SNAP23: variants seen among roughly 807,000 people sequenced by gnomAD.
SNAP23 encodes the protein synaptosome associated protein 23, also known as synaptosomal-associated protein 23.
In SNAP23, 11 loss-of-function variants were observed where a neutral mutation model predicts 29.0. That is an observed-to-expected ratio of 0.38 (90% CI 0.24 to 0.63). The LOEUF (loss-of-function observed/expected upper bound fraction) is 0.63. SNAP23 is among the 20% of genes least tolerant of loss of function. SNAP23 has a pLI of 0.58. For missense variants in SNAP23, 220 were observed against 253.9 expected, an observed-to-expected ratio of 0.87 and a Z score of 0.91; for synonymous variants, 60 against 82.9, an observed-to-expected ratio of 0.72 and a Z score of 1.50.
intron 1 of SNAP23, among the ~76,000 whole-genome samples, chr15:42,506,693 T>C (rs1370067760): frequency 1.3e-5 from 2 of 152,240 alleles, no homozygotes; most frequent in African/African-American, 2.4e-5. Context: ...CATGGTCTTA[T>C]AGAAAGCATC....
chr15:42,531,427 A>G lies in SNAP23; in HGVS notation c.585A>G (p.Arg195=). 6.3e-7 allele frequency: 1 copy of G among 1,585,636 alleles called. No individual in the cohort carries two copies. Residue 195 remains arginine, a synonymous_variant, in exon 8 of 8, where the codon AGA becomes AGG. Coordinates refer to ENST00000249647, the MANE Select transcript of SNAP23 (RefSeq NM_003825.4). ...TTGTTTTTCAGGCTGACACCAACAGAGATCGTATTGATATTGCCAATGCCA... is the reference window on the plus strand; with the variant it reads ...TTGTTTTTCAGGCTGACACCAACAGGGATCGTATTGATATTGCCAATGCCA... ...KRITDKADTN[R]DRIDIANARA... is the part of the protein sequence containing the mutation.
rs777485604 is a variant in SNAP23 at position 42,531,456 on chromosome 15, C to T, written c.614C>T (p.Ala205Val). Residue 205 changes from alanine to valine, a missense_variant, in exon 8 of 8, where the codon GCA becomes GTA. By Grantham distance (64) the Ala-to-Val change is moderately conservative. Coordinates refer to ENST00000249647, the MANE Select transcript of SNAP23 (RefSeq NM_003825.4). ...RDRIDIANAR[A>V]KKLIDS ...CGTATTGATATTGCCAATGCCAGAG[C>T]AAAGAAACTCATTGACAGCTAAAGC... 1 of 1,599,134 alleles carries T rather than the reference C, an allele frequency of 6.3e-7. No homozygotes were observed. Among genetic ancestry groups the T allele is most frequent in the South Asian group, 1.1e-5 (1 of 87,648 alleles).
At chr15:42,493,203 G>T (rs1012832919), upstream of SNAP23, among the ~76,000 whole-genome samples, 3 of 152,098 alleles carry the variant, frequency 2.0e-5, no homozygotes, top group African/African-American at 7.2e-5. Context: ...TTAGCCGGCA[G>T]TGGTGGTGCA....
chr15:42,514,356 G>A (rs993687559), intron 4 of SNAP23, among the ~76,000 whole-genome samples: 1 of 151,760 alleles, frequency 6.6e-6, no homozygotes, highest in Non-Finnish European at 1.5e-5. Context: ...TGGCCAGGTT[G>A]ATGTCGAACT....
rs777786141 is a variant in SNAP23, at chr15:42,513,016, C to T, written c.99+20C>T. 1.1e-5 allele frequency: 18 copies of T among 1,575,014 alleles called. No homozygotes were observed. The highest frequency in any genetic ancestry group is 1.5e-5 in the Non-Finnish European group (17 of 1,144,624). On this transcript the variant is annotated intron_variant, in intron 3 of 7. Coordinates refer to ENST00000249647, the MANE Select transcript of SNAP23 (RefSeq NM_003825.4). The stretch of plus-strand genomic sequence containing the variant: ...ATTGAGGTAAGAAAATGTTAGTCAT[C>T]AACTTAAGTATAGAAATTTATAGGA...
chr15:42,524,145 T>G (rs1410668679), intron 5 of SNAP23, among the ~76,000 whole-genome samples: 1 of 152,150 alleles, frequency 6.6e-6, no homozygotes, highest in Non-Finnish European at 1.5e-5. Flanking sequence ...TCCTGACATG[T>G]CCCTTTGCTT....
intron 5 of SNAP23, among the ~76,000 whole-genome samples, chr15:42,527,135 G>A (rs1317722110): frequency 6.6e-6 from 1 of 152,092 alleles, no homozygotes; most frequent in Non-Finnish European, 1.5e-5. Context: ...ACTGTGCCCG[G>A]CCTTGATCGT....
chr15:42,518,091 A>T (rs561248357), intron 5 of SNAP23, among the ~76,000 whole-genome samples: 8 of 152,160 alleles, frequency 5.3e-5, no homozygotes, highest in Non-Finnish European at 1.0e-4. Flanking sequence ...CAGTTCCCTT[A>T]AGAGAAGAAA....
chr15:42,518,038 G>A (rs2057411696), intron 5 of SNAP23, among the ~76,000 whole-genome samples: 1 of 150,458 alleles, frequency 6.6e-6, no homozygotes, highest in Non-Finnish European at 1.5e-5. Context: ...TTTTTTTTCT[G>A]GCACTTCTTG....
chr15:42,498,823 G>A (rs1385414770), intron 1 of SNAP23, among the ~76,000 whole-genome samples: 1 of 152,142 alleles, frequency 6.6e-6, no homozygotes. Context: ...CAGGTCATGT[G>A]AAAGTAATTT....
Position 42,498,884 on chromosome 15 carries a change from T to C in SNAP23, c.-15+3171T>C, listed in dbSNP as rs566230848. The stretch of plus-strand genomic sequence containing the variant: ...GCTTGAATATTTGTCTCAGGCTAGG[T>C]TTTACTTTAGGTGCTTGTAGTATGT... On this transcript the variant is annotated intron_variant, in intron 1 of 7. Transcript: ENST00000249647. 2.0e-5 allele frequency among the ~76,000 whole-genome samples: 3 copies of C among 152,306 alleles called. No individual in the cohort carries two copies. In the East Asian group the frequency reaches 5.8e-4, roughly 29 times the overall value.
At chr15:42,521,672 T>C in intron 5 of SNAP23, 1 of 1,316,352 alleles carries the variant, frequency 7.6e-7, no homozygotes, top group Non-Finnish European at 1.1e-6. Flanking sequence ...GATGCAGTCT[T>C]GTGGCGCAGT....
intron 1 of SNAP23, among the ~76,000 whole-genome samples, chr15:42,506,073 G>A (rs1340158052): frequency 6.6e-6 from 1 of 151,210 alleles, no homozygotes; most frequent in Admixed American, 6.6e-5. Flanking sequence ...AGCCTCCCGA[G>A]TAGCTGGGAC....
chr15:42,500,714 G>C (rs1335009926), intron 1 of SNAP23, among the ~76,000 whole-genome samples: 1 of 152,096 alleles, frequency 6.6e-6, no homozygotes. Flanking sequence ...TCTTTGCTGT[G>C]ATAGGTAGAA....
chr15:42,523,813 TG>T (rs963234260), intron 5 of SNAP23, among the ~76,000 whole-genome samples: 5 of 152,190 alleles, frequency 3.3e-5, no homozygotes, highest in Admixed American at 3.3e-4. Flanking sequence ...GTTTTTTGTT[TG>T]TTTGTTTGTT....
chr15:42,501,036 C>T (rs554059521), intron 1 of SNAP23, among the ~76,000 whole-genome samples: 87 of 152,186 alleles, frequency 5.7e-4, no homozygotes, highest in African/African-American at 2.0e-3. Flanking sequence ...CTTTCGATGG[C>T]CTTTCAATAC....
chr15:42,513,064 GA>G (rs1198883577), intron 3 of SNAP23, 68 bp downstream of exon 3: 1 of 1,127,842 alleles, frequency 8.9e-7, no homozygotes, highest in Non-Finnish European at 1.3e-6. Context: ...CTTCTGGCTG[GA>G]ATTAGTATTA....
At chr15:42,510,686 A>G (rs1316693053) in intron 1 of SNAP23, among the ~76,000 whole-genome samples, 8 of 152,314 alleles carry the variant, frequency 5.3e-5, no homozygotes, top group African/African-American at 1.9e-4. Context: ...CTGCCTTCCA[A>G]GAATTCAGTC....
At chr15:42,514,526 C>CT (rs1567045374) in intron 4 of SNAP23, among the ~76,000 whole-genome samples, 2 of 152,108 alleles carry the variant, frequency 1.3e-5, no homozygotes, top group Non-Finnish European at 2.9e-5. Flanking sequence ...CTTGGAAACA[C>CT]TTGAGTTGAG....
Sources: gnomAD v4.1 joint callset for allele counts (sites outside exome capture counted in the v4.1 genomes callset) on GRCh38, gnomAD v4.1.1 for gene constraint, MANE v1.5 for transcripts, NCBI Gene and HGNC (gene_info 2026-07-23, HGNC 2026-07-21) for gene names.